Variants in SMOC1 observed in about 807,000 individuals in gnomAD.
SMOC1 encodes SPARC-related modular calcium-binding protein 1.
In SMOC1, 22 loss-of-function variants were observed where a neutral mutation model predicts 56.3. The ratio of observed to expected loss-of-function variants is 0.39; its 90% confidence interval spans 0.28 to 0.56. SMOC1 has a LOEUF of 0.56. Ranked by LOEUF, SMOC1 falls within the 20% of genes least tolerant of loss-of-function variation. The pLI is 0.61. For missense variants in SMOC1, 509 were observed against 565.4 expected (o/e 0.90, Z 1.01); for synonymous variants, 193 against 215.0 (o/e 0.90, Z 0.89).
In SMOC1 at chr14:69,879,643, C is replaced by T. The variant is rs774682897; in HGVS notation, c.-36C>T. 1.5e-4 allele frequency: 213 copies of T among 1,454,832 alleles called. No homozygotes were observed. Among genetic ancestry groups the T allele is most frequent in the Admixed American group, 5.8e-4 (23 of 39,738 alleles). 90.1% of individuals were successfully genotyped at this position (1,454,832 alleles called of 1,614,324 possible). A position where few individuals can be genotyped will look rare whatever the true frequency, so the allele number is the denominator to read the frequency against. ...TGTGCGCCCCGCGGAGCCCGCGAAC[C>T]CCGCTCGCTGCCGGCTGCCCAGCCT... On this transcript the variant is annotated 5_prime_UTR_variant, in exon 1 of 12. Coordinates refer to ENST00000361956, the MANE Select transcript of SMOC1 (RefSeq NM_001034852.3).
chr14:70,023,134 C>T, intron 10 of SMOC1, 69 bp from the exon 11 acceptor site: 2 of 1,611,554 alleles, frequency 1.2e-6, no homozygotes, highest in Non-Finnish European at 1.7e-6. Flanking sequence ...GCAGTCATAC[C>T]AGGGCTGATG....
intron 7 of SMOC1, among the ~76,000 whole-genome samples, chr14:69,995,828 T>C (rs1195699497): frequency 6.6e-6 from 1 of 152,220 alleles, no homozygotes; most frequent in Non-Finnish European, 1.5e-5. Flanking sequence ...TGAAAATTCT[T>C]CAATCAGAAA....
At chr14:69,914,958 C>T (rs1363413736) in intron 1 of SMOC1, among the ~76,000 whole-genome samples, 1 of 152,146 alleles carries the variant, frequency 6.6e-6, no homozygotes, top group Admixed American at 6.5e-5. Flanking sequence ...CCTCCGCCTC[C>T]TGGGTTCAAG....
chr14:69,918,190 G>A (rs1884736754), intron 1 of SMOC1, among the ~76,000 whole-genome samples: 1 of 151,814 alleles, frequency 6.6e-6, no homozygotes, highest in African/African-American at 2.4e-5. Context: ...TAGAGTTGCT[G>A]TGCTGTGTAA....
intron 1 of SMOC1, among the ~76,000 whole-genome samples, chr14:69,944,667 C>A (rs534753073): frequency 5.9e-5 from 9 of 152,156 alleles, no homozygotes; most frequent in African/African-American, 2.2e-4. Flanking sequence ...TCACATTGGC[C>A]GTTAAATTGT....
intron 10 of SMOC1, among the ~76,000 whole-genome samples, chr14:70,017,133 G>T (rs1885545985): frequency 6.6e-6 from 1 of 152,194 alleles, no homozygotes; most frequent in Admixed American, 6.5e-5. Context: ...GGGATAGATG[G>T]ATGGATCCCT....
rs564499094 is a variant in SMOC1, at chr14:70,030,611, T to C, written c.*353T>C. On this transcript the variant is annotated 3_prime_UTR_variant, in exon 12 of 12. Transcript: ENST00000361956. ...TTTATATGCTGTATATAAATATATA[T>C]GTAAATTGTATAGTTCTTTTGTACA... The C allele has an allele frequency of 3.6e-6, 1 of 278,454 alleles. No homozygotes were observed. Among genetic ancestry groups the C allele is most frequent in the Non-Finnish European group, 6.7e-6 (1 of 149,834 alleles). 17.2% of individuals were successfully genotyped at this position (278,454 alleles called of 1,614,324 possible).
chr14:70,026,061 G>A (rs1027418385), intron 11 of SMOC1, among the ~76,000 whole-genome samples: 14 of 152,284 alleles, frequency 9.2e-5, no homozygotes, highest in African/African-American at 2.6e-4. Context: ...CTCTAGCACC[G>A]TACATGGCAC....
At chr14:69,993,183 G>A (rs917019325) in intron 6 of SMOC1, among the ~76,000 whole-genome samples, 2 of 152,140 alleles carry the variant, frequency 1.3e-5, no homozygotes, top group Non-Finnish European at 2.9e-5. Context: ...GTAGGTTGTA[G>A]GGACGTTGAG....
At chr14:70,024,383 G>A (rs945546379) in intron 11 of SMOC1, among the ~76,000 whole-genome samples, 1 of 152,134 alleles carries the variant, frequency 6.6e-6, no homozygotes, top group African/African-American at 2.4e-5. Context: ...TCTGTGGCCT[G>A]TTTTTGTACA....
At chr14:69,956,132 G>A (rs532137069) in intron 3 of SMOC1, among the ~76,000 whole-genome samples, 3 of 152,206 alleles carry the variant, frequency 2.0e-5, no homozygotes, top group East Asian at 1.9e-4. Flanking sequence ...ATTGCTAAAC[G>A]AGAGAGTCCC....
chr14:70,004,776 AATAGAT>A (rs1247203874), intron 7 of SMOC1, among the ~76,000 whole-genome samples: 29 of 152,208 alleles, frequency 1.9e-4, no homozygotes, highest in Admixed American at 1.9e-3. Context: ...TTCCAAAACA[AATAGAT>A]ATAAAGATAC....
At chr14:69,943,170 T>C (rs1237052126) in intron 1 of SMOC1, among the ~76,000 whole-genome samples, 3 of 152,226 alleles carry the variant, frequency 2.0e-5, no homozygotes, top group Admixed American at 1.3e-4. Flanking sequence ...AGGGGGTGTC[T>C]GCTTTCCCTC....
intron 1 of SMOC1, among the ~76,000 whole-genome samples, chr14:69,923,362 G>A (rs1884904075): frequency 6.6e-6 from 1 of 152,192 alleles, no homozygotes; most frequent in Non-Finnish European, 1.5e-5. Context: ...CTACGTAAAT[G>A]TGAGTTCCCT....
At chr14:70,019,334 T>C (rs529279644) in intron 10 of SMOC1, among the ~76,000 whole-genome samples, 1 of 152,342 alleles carries the variant, frequency 6.6e-6, no homozygotes, top group Admixed American at 6.5e-5. Context: ...GAATCTGGTA[T>C]CATTTGGGTG....
chr14:69,972,896 G>A (rs375841544), intron 3 of SMOC1, among the ~76,000 whole-genome samples: 1 of 152,162 alleles, frequency 6.6e-6, no homozygotes, highest in Non-Finnish European at 1.5e-5. Context: ...CCTGGCTCCC[G>A]CAGCACAGCA....
At chr14:69,880,367 G>A (rs777441173) in intron 1 of SMOC1, among the ~76,000 whole-genome samples, 14 of 152,174 alleles carry the variant, frequency 9.2e-5, no homozygotes, top group Non-Finnish European at 2.1e-4. Context: ...AAAGAGGTGG[G>A]AGGGGAGAGT....
chr14:69,990,954 G>A (rs1884546250), intron 5 of SMOC1, among the ~76,000 whole-genome samples: 2 of 152,114 alleles, frequency 1.3e-5, no homozygotes, highest in Admixed American at 1.3e-4. Flanking sequence ...CATAGCTCTT[G>A]AATCTTAAGC....
At chr14:69,925,686 G>C (rs1884991337) in intron 1 of SMOC1, among the ~76,000 whole-genome samples, 2 of 152,246 alleles carry the variant, frequency 1.3e-5, no homozygotes, top group South Asian at 4.1e-4. Context: ...AATATTTGTT[G>C]GCTGAAAGAC....
Sources: allele counts gnomAD v4.1 joint callset (sites outside exome capture counted in the v4.1 genomes callset), GRCh38; gene constraint gnomAD v4.1.1; transcripts MANE v1.5; gene names NCBI Gene and HGNC (gene_info 2026-07-23, HGNC 2026-07-21).